Variants in FMN1 observed in about 807,000 individuals in gnomAD.
FMN1 encodes the protein formin-1.
Under a neutral mutation model 132.4 loss-of-function variants are expected in FMN1, and 110 were observed. The ratio of observed to expected loss-of-function variants is 0.83; its 90% CI spans 0.71 to 0.97. The LOEUF (loss-of-function observed/expected upper bound fraction) is 0.97. FMN1 is among the 50% of genes least tolerant of loss of function. The probability of loss-of-function intolerance (pLI) is 0.00; values close to 1 mark genes in which losing one functional copy is unlikely to be tolerated. For synonymous variants in FMN1, 722 were observed against 651.7 expected (o/e 1.11, Z -1.64); for missense variants, 1,792 against 1,705.3 (o/e 1.05, Z -0.90).
chr15:33,153,000 C>T (rs1182673205), intron 4 of FMN1, 48 bp downstream of exon 4: 3 of 1,428,614 alleles, frequency 2.1e-6, no homozygotes, highest in South Asian at 2.9e-5. Flanking sequence ...ACTGATAGTT[C>T]CCCAATCAGC....
intron 5 of FMN1, among the ~76,000 whole-genome samples, chr15:33,074,548 C>T (rs570679774): frequency 8.6e-4 from 131 of 152,170 alleles, no homozygotes; most frequent in Non-Finnish European, 1.6e-3. Flanking sequence ...AGACTGGTTC[C>T]ACTGGGCAGT....
intron 7 of FMN1, among the ~76,000 whole-genome samples, chr15:32,972,997 T>C (rs1182724569): frequency 6.6e-6 from 1 of 152,204 alleles, no homozygotes; most frequent in Non-Finnish European, 1.5e-5. Context: ...ATCCTCAACA[T>C]GCTATTTGTC....
chr15:33,106,191 T>C (rs2039477249), intron 4 of FMN1: 2 of 151,952 alleles, frequency 1.3e-5, no homozygotes, highest in Non-Finnish European at 2.9e-5. Flanking sequence ...TGGCCCAATA[T>C]TACTATTCAA....
chr15:33,030,626 C>G (rs1596508930), intron 6 of FMN1, among the ~76,000 whole-genome samples: 2 of 152,212 alleles, frequency 1.3e-5, no homozygotes, highest in African/African-American at 4.8e-5. Flanking sequence ...TACAAATGCC[C>G]TATTTCTTCA....
In FMN1 at chr15:32,786,752, C is replaced by T. The variant is rs1218617653; in HGVS notation, c.4131-9833G>A. On this transcript the variant is annotated intron_variant, in intron 19 of 20. Coordinates refer to ENST00000616417, the MANE Select transcript of FMN1 (RefSeq NM_001277313.2). The stretch of plus-strand genomic sequence containing the variant: ...TTACCTGAAACATAGATGGTATTAA[C>T]GCCATAAGGGCTGTTTTAAATATGC... Among the ~76,000 whole-genome samples, 7 of 152,180 alleles carry T rather than the reference C, an allele frequency of 4.6e-5. No homozygotes were observed. In the South Asian group the frequency reaches 6.2e-4, roughly 14 times the overall value.
At chr15:33,164,726 C>T (rs1965029509) in intron 3 of FMN1, among the ~76,000 whole-genome samples, 1 of 152,170 alleles carries the variant, frequency 6.6e-6, no homozygotes, top group African/African-American at 2.4e-5. Context: ...ATCTGGCTAA[C>T]ATCATCATCT....
intron 7 of FMN1, among the ~76,000 whole-genome samples, chr15:32,990,227 A>C (rs1417111781): frequency 6.6e-6 from 1 of 152,180 alleles, no homozygotes; most frequent in East Asian, 1.9e-4. Flanking sequence ...AAAATATAAA[A>C]GGTCAGGTGA....
intron 17 of FMN1, among the ~76,000 whole-genome samples, chr15:32,855,161 A>T (rs868625151): frequency 0.15 from 20,925 of 139,426 alleles, 1,879 homozygotes; most frequent in East Asian, 0.3. Flanking sequence ...GGAGAGTAAA[A>T]AAAAAAAAAA....
intron 6 of FMN1, among the ~76,000 whole-genome samples, chr15:33,057,133 C>CA (rs939324111): frequency 6.6e-6 from 1 of 152,178 alleles, no homozygotes; most frequent in African/African-American, 2.4e-5. Context: ...GCTGAGATGG[C>CA]ACCACTGTAC....
At chr15:33,099,870 A>G (rs2039228914) in intron 4 of FMN1, among the ~76,000 whole-genome samples, 1 of 152,212 alleles carries the variant, frequency 6.6e-6, no homozygotes, top group Admixed American at 6.5e-5. Flanking sequence ...AAATCTCTGC[A>G]ATTTCTCCAG....
intron 20 of FMN1, 82 bp from the exon 21 acceptor site, chr15:32,774,436 AT>A: frequency 1.7e-6 from 2 of 1,183,308 alleles, no homozygotes; most frequent in South Asian, 2.7e-5. Flanking sequence ...TTGGTCTAGA[AT>A]GCTGAGTTTC....
At chr15:32,982,532 C>T (rs2032762120) in intron 7 of FMN1, among the ~76,000 whole-genome samples, 1 of 152,038 alleles carries the variant, frequency 6.6e-6, no homozygotes, top group Non-Finnish European at 1.5e-5. Context: ...CTTGACTGAC[C>T]CCCAGGGTGC....
intron 13 of FMN1, among the ~76,000 whole-genome samples, chr15:32,901,379 T>C (rs1567357300): frequency 1.3e-5 from 2 of 152,212 alleles, no homozygotes; most frequent in African/African-American, 2.4e-5. Flanking sequence ...CTTAAGAGCA[T>C]GGGTCAACTG....
chr15:32,963,356 G>A (rs1253539102), intron 9 of FMN1, among the ~76,000 whole-genome samples: 3 of 136,410 alleles, frequency 2.2e-5, no homozygotes, highest in African/African-American at 5.3e-5. Context: ...GGTCGGGGGG[G>A]TGGGGGGAGG....
intron 17 of FMN1, among the ~76,000 whole-genome samples, chr15:32,855,264 AT>A (rs1181543858): frequency 6.6e-6 from 1 of 151,886 alleles, no homozygotes; most frequent in Non-Finnish European, 1.5e-5. Context: ...GGGTATCAAG[AT>A]TTTAAAAAAT....
chr15:32,812,743 C>T (rs540854853), intron 17 of FMN1, among the ~76,000 whole-genome samples: 13 of 152,080 alleles, frequency 8.5e-5, no homozygotes, highest in Non-Finnish European at 1.6e-4. Context: ...AAATCTAGTA[C>T]GATGATATTC....
chr15:32,840,319 C>T (rs1308820932), intron 17 of FMN1, among the ~76,000 whole-genome samples: 4 of 152,154 alleles, frequency 2.6e-5, no homozygotes, highest in African/African-American at 9.7e-5. Context: ...GACTAAGTCA[C>T]TTCAAGGATG....
At chr15:32,840,432 T>C (rs1008668399) in intron 17 of FMN1, among the ~76,000 whole-genome samples, 7 of 152,162 alleles carry the variant, frequency 4.6e-5, no homozygotes, top group African/African-American at 1.4e-4. Flanking sequence ...AATCACCCGG[T>C]ATCAGCACAT....
chr15:33,188,111 G>C (rs539659724), intron 2 of FMN1, among the ~76,000 whole-genome samples: 213 of 152,130 alleles, frequency 1.4e-3, no homozygotes, highest in Middle Eastern at 6.8e-3. Flanking sequence ...GAGGCGGGCA[G>C]ATCACAAGGT....
Sources: allele counts gnomAD v4.1 joint callset (sites outside exome capture counted in the v4.1 genomes callset), GRCh38; gene constraint gnomAD v4.1.1; transcripts MANE v1.5; gene names NCBI Gene and HGNC (gene_info 2026-07-23, HGNC 2026-07-21).